The following GPHN variants were observed in gnomAD, a reference collection of about 807,000 sequenced individuals.
GPHN encodes the protein gephyrin.
In GPHN, 17 loss-of-function variants were observed where a neutral mutation model predicts 95.5. The observed-to-expected ratio is 0.18, with a 90% CI of 0.12 to 0.27. GPHN has a LOEUF of 0.27. Among genes scored for constraint, GPHN ranks in the 10% least tolerant of loss-of-function variants. The pLI, the probability that GPHN is intolerant of heterozygous loss-of-function variation, is 1.00. For synonymous variants in GPHN, 320 were observed against 322.5 expected (o/e 0.99, Z 0.08); for missense variants, 660 against 978.1 (o/e 0.67, Z 4.34).
chr14:67,091,496 T>C (rs1189053756), intron 12 of GPHN, among the ~76,000 whole-genome samples: 1 of 151,934 alleles, frequency 6.6e-6, no homozygotes, highest in East Asian at 1.9e-4. Context: ...TACTATAAAA[T>C]GACAAAGAAT....
chr14:67,068,623 C>CT (rs895793050), intron 11 of GPHN, among the ~76,000 whole-genome samples: 24 of 151,944 alleles, frequency 1.6e-4, no homozygotes, highest in Non-Finnish European at 2.2e-4. Flanking sequence ...ATTTTGCTTT[C>CT]TTGGGAATTT....
chr14:66,599,274 C>T (rs576604054), intron 1 of GPHN, among the ~76,000 whole-genome samples: 1 of 151,848 alleles, frequency 6.6e-6, no homozygotes, highest in South Asian at 2.1e-4. Context: ...ATCCTCATTC[C>T]AATTTAAGAT....
intron 17 of GPHN, among the ~76,000 whole-genome samples, chr14:67,127,781 G>T (rs1240699895): frequency 6.6e-6 from 1 of 152,126 alleles, no homozygotes; most frequent in African/African-American, 2.4e-5. Flanking sequence ...ATTTTAGAAG[G>T]TTCCAGAACT....
Position 66,749,254 on chromosome 14 carries a change from A to G in GPHN, c.144-27210A>G, listed in dbSNP as rs557284996. Among the ~76,000 whole-genome samples, 29 of 152,114 alleles carry G rather than the reference A, an allele frequency of 1.9e-4. No homozygotes were observed. The South Asian group carries it at 6.0e-3, about 31-fold the overall frequency. On this transcript the variant is annotated intron_variant, in intron 2 of 22. Coordinates refer to ENST00000478722, the MANE Select transcript of GPHN (RefSeq NM_020806.5). The stretch of plus-strand genomic sequence containing the variant: ...ATCATCCACTCACCTACTGAAGGAC[A>G]TCTTCGTTGTTTACAAGTTTTGGCC...
intron 6 of GPHN, among the ~76,000 whole-genome samples, chr14:66,916,937 G>A (rs146350271): frequency 6.6e-6 from 1 of 152,308 alleles, no homozygotes; most frequent in East Asian, 1.9e-4. Flanking sequence ...AGTAGTATCA[G>A]TGTGAATATG....
chr14:67,364,892 T>C, the GPHN span: 1 of 1,614,064 alleles, frequency 6.2e-7, no homozygotes, highest in Non-Finnish European at 8.5e-7. Flanking sequence ...TACAACAACA[T>C]TGAAGGCATG....
intron 8 of GPHN, among the ~76,000 whole-genome samples, chr14:66,933,161 CAA>C (rs1567119572): frequency 6.6e-6 from 1 of 152,134 alleles, no homozygotes; most frequent in East Asian, 1.9e-4. Context: ...AACAACATAT[CAA>C]AGAGTATAAT....
Position 66,753,455 on chromosome 14 carries a change from C to A in GPHN, c.144-23009C>A, listed in dbSNP as rs1422613545. Among the ~76,000 whole-genome samples, 6 of 151,956 alleles carry A rather than the reference C, an allele frequency of 3.9e-5. No homozygotes were observed. In the South Asian group the frequency reaches 1.3e-3, roughly 32 times the overall value. Reference sequence around the variant, plus strand: ...AATAATAAGTTATGATTGTTTTAAGCCCCTGAGTTTTAGGGTGGCAGTCAT... The same window carrying A: ...AATAATAAGTTATGATTGTTTTAAGACCCTGAGTTTTAGGGTGGCAGTCAT... On this transcript the variant is annotated intron_variant, in intron 2 of 22. Transcript: ENST00000478722.
chr14:67,294,363 C>G, the GPHN span: 1 of 151,882 alleles, frequency 6.6e-6, no homozygotes, highest in Admixed American at 6.6e-5. Context: ...ATAACAAAAT[C>G]GTAAAGGTTA....
chr14:66,896,488 C>T (rs1326171355), intron 5 of GPHN, among the ~76,000 whole-genome samples: 2 of 151,864 alleles, frequency 1.3e-5, no homozygotes, highest in East Asian at 1.9e-4. Context: ...CATGATAGCA[C>T]GTGCCTGTAG....
intron 9 of GPHN, among the ~76,000 whole-genome samples, chr14:66,976,401 T>C (rs1300500360): frequency 6.6e-6 from 1 of 152,208 alleles, no homozygotes; most frequent in African/African-American, 2.4e-5. Flanking sequence ...ATATAAGTGG[T>C]CCGTCCTATC....
At chr14:66,740,700 A>T (rs1255779875) in intron 2 of GPHN, among the ~76,000 whole-genome samples, 1 of 152,142 alleles carries the variant, frequency 6.6e-6, no homozygotes, top group African/African-American at 2.4e-5. Context: ...ATAGATTCTT[A>T]ATGTATATTT....
intron 8 of GPHN, among the ~76,000 whole-genome samples, chr14:66,950,371 A>G (rs527576695): frequency 1.5e-4 from 23 of 152,268 alleles, no homozygotes; most frequent in Admixed American, 1.3e-3. Context: ...CCTTATATAC[A>G]TTGCCAAATT....
At chr14:67,337,929 A>G in the GPHN span, 5 of 152,228 alleles carry the variant, frequency 3.3e-5, no homozygotes, top group Middle Eastern at 3.2e-3. Context: ...CTCAAAAGTA[A>G]GCCTTTTTGT....
chr14:66,875,171 AAGG>A, intron 4 of GPHN, among the ~76,000 whole-genome samples: 1 of 152,326 alleles, frequency 6.6e-6, no homozygotes, highest in South Asian at 2.1e-4. Context: ...TTCATAAACA[AAGG>A]AGAAGTAAAA....
intron 9 of GPHN, among the ~76,000 whole-genome samples, chr14:67,021,259 C>A (rs1216513930): frequency 6.6e-6 from 1 of 151,978 alleles, no homozygotes; most frequent in African/African-American, 2.4e-5. Context: ...TAAAGGAATT[C>A]TTATAATCAT....
At chr14:66,811,539 C>T (rs1401424956) in intron 3 of GPHN, among the ~76,000 whole-genome samples, 5 of 130,544 alleles carry the variant, frequency 3.8e-5, no homozygotes, top group Admixed American at 1.6e-4. Flanking sequence ...ACTACTCTTA[C>T]ATTCAGCAAA....
chr14:67,394,474 A>C, the GPHN span, among the ~76,000 whole-genome samples: 1 of 151,756 alleles, frequency 6.6e-6, no homozygotes, highest in South Asian at 2.1e-4. Context: ...TTAAGTCCAA[A>C]CCCCCTCAGC....
chr14:67,169,387 A>G (rs1197738339), intron 21 of GPHN, among the ~76,000 whole-genome samples: 1 of 152,228 alleles, frequency 6.6e-6, no homozygotes, highest in Non-Finnish European at 1.5e-5. Flanking sequence ...TCTTTTCCCC[A>G]TGCAAACTCA....
Sources: gnomAD v4.1 joint callset for allele counts (sites outside exome capture counted in the v4.1 genomes callset) on GRCh38, gnomAD v4.1.1 for gene constraint, MANE v1.5 for transcripts, NCBI Gene and HGNC (gene_info 2026-07-23, HGNC 2026-07-21) for gene names.